Variants in UNC93A observed in about 807,000 individuals in gnomAD.
UNC93A encodes N-acetylglucosamine transporter UNC93A.
In UNC93A, 43 loss-of-function variants were observed where a neutral mutation model predicts 47.5. That is an observed-to-expected ratio of 0.91 (90% confidence interval 0.71 to 1.17). The LOEUF is 1.17. Ranked by LOEUF, UNC93A falls within the 50% of genes most tolerant of loss-of-function variation. The probability of loss-of-function intolerance (pLI) is 0.00; values close to 1 mark genes in which losing one functional copy is unlikely to be tolerated. For synonymous variants in UNC93A, 280 were observed against 258.0 expected, an observed-to-expected ratio of 1.09 and a Z score of -0.82; for missense variants, 605 against 577.6, an observed-to-expected ratio of 1.05 and a Z score of -0.49.
chr6:167,291,860 C>G (rs1304647207), intron 1 of UNC93A, among the ~76,000 whole-genome samples: 1 of 152,082 alleles, frequency 6.6e-6, no homozygotes, highest in Non-Finnish European at 1.5e-5. Context: ...CATTCTTTGC[C>G]TTTGGGTGGT....
intron 6 of UNC93A, among the ~76,000 whole-genome samples, chr6:167,306,816 G>A (rs1364243997): frequency 1.3e-5 from 2 of 152,222 alleles, no homozygotes; most frequent in Admixed American, 6.5e-5. Context: ...CCTGGGGCAT[G>A]CGGTGTGGAC....
In UNC93A at chr6:167,298,608, C is replaced by T. The variant is rs573324627; in HGVS notation, c.625+538C>T. 1.4e-4 allele frequency among the ~76,000 whole-genome samples: 21 copies of T among 151,850 alleles called. No individual in the cohort carries two copies. The South Asian group carries it at 1.9e-3, about 14-fold the overall frequency. On this transcript the variant is annotated intron_variant, in intron 4 of 7. Transcript: ENST00000230256. ...CGAGTGCTCCCAAGTGCTTGTTGCA[C>T]CTTAGCTGGAGACGTTGCAAGCTCA...
chr6:167,270,964 A>G (rs139191584), upstream of UNC93A, among the ~76,000 whole-genome samples: 1 of 152,330 alleles, frequency 6.6e-6, no homozygotes, highest in Non-Finnish European at 1.5e-5. Context: ...GTTGTCCAGG[A>G]AGATACAGGT....
intron 6 of UNC93A, among the ~76,000 whole-genome samples, chr6:167,306,908 A>T (rs903548998): frequency 6.6e-6 from 1 of 152,078 alleles, no homozygotes. Flanking sequence ...TGCATCCTAG[A>T]GATGCCACAG....
At chr6:167,284,190 C>G (rs1243316078) in intron 1 of UNC93A, among the ~76,000 whole-genome samples, 1 of 151,804 alleles carries the variant, frequency 6.6e-6, no homozygotes, top group Non-Finnish European at 1.5e-5. Flanking sequence ...CAGATTTTAC[C>G]AGAACCCCAT....
chr6:167,277,865 C>CTGTCTT (rs60565062), intron 1 of UNC93A, among the ~76,000 whole-genome samples: 1 of 151,844 alleles, frequency 6.6e-6, no homozygotes, highest in Non-Finnish European at 1.5e-5. Flanking sequence ...CTCTCTGTCT[C>CTGTCTT]CTTCTGTCTG....
chr6:167,274,209 G>T (rs186005042), intron 1 of UNC93A, among the ~76,000 whole-genome samples: 60 of 152,300 alleles, frequency 3.9e-4, no homozygotes, highest in African/African-American at 1.4e-3. Flanking sequence ...GAGGCTTTGT[G>T]GTTTGTAGGG....
At chr6:167,312,357 G>A (rs1467060138) in intron 7 of UNC93A, among the ~76,000 whole-genome samples, 8 of 151,992 alleles carry the variant, frequency 5.3e-5, no homozygotes, top group East Asian at 3.9e-4. Context: ...GCGGTTCTGC[G>A]GGAGCGAGTG....
chr6:167,281,911 A>C (rs1319402472), intron 1 of UNC93A, among the ~76,000 whole-genome samples: 1 of 152,200 alleles, frequency 6.6e-6, no homozygotes, highest in Non-Finnish European at 1.5e-5. Flanking sequence ...AATTAAAGAA[A>C]GGGAATAAAC....
rs944557828 is a variant in UNC93A at position 167,304,112 on chromosome 6, C to T, written c.819C>T (p.Phe273=). 6.2e-6 allele frequency: 10 copies of T among 1,614,070 alleles called. No homozygotes were observed. Among genetic ancestry groups the T allele is most frequent in the Admixed American group, 1.7e-5 (1 of 60,006 alleles). The change falls in exon 5 of 8, where the codon TTC becomes TTT. Residue 273 remains phenylalanine, a synonymous_variant. Transcript: ENST00000230256. ...LPLYSGLQQG[F]LSSEYTRSYV... The stretch of plus-strand genomic sequence containing the variant: ...TGTACAGTGGATTGCAGCAAGGATT[C>T]CTCTCCAGCGAATACACAAGGGTAT...
chr6:167,287,689 GTGTGTGTGTGCATGTGTGTGCATA>G (rs368420442), upstream of UNC93A, among the ~76,000 whole-genome samples: 781 of 151,228 alleles, frequency 5.2e-3, 11 homozygotes, highest in African/African-American at 0.018. Context: ...AAAAGGGTGT[GTGTGTGTGTGCATGTGTGTGCATA>G]TGTGTGTGTG....
intron 5 of UNC93A, among the ~76,000 whole-genome samples, chr6:167,304,762 G>A (rs372214876): frequency 6.6e-5 from 10 of 152,184 alleles, no homozygotes; most frequent in African/African-American, 2.2e-4. Context: ...TAGAGACAGG[G>A]TTTCTCCATG....
intron 1 of UNC93A, among the ~76,000 whole-genome samples, chr6:167,271,968 T>G (rs773877091): frequency 2.0e-5 from 3 of 152,188 alleles, no homozygotes; most frequent in Non-Finnish European, 4.4e-5. Context: ...ATTCCTCCAG[T>G]GCTGTCTCCA....
chr6:167,275,737 C>T (rs1485412004), intron 1 of UNC93A, among the ~76,000 whole-genome samples: 3 of 152,262 alleles, frequency 2.0e-5, no homozygotes, highest in African/African-American at 7.2e-5. Context: ...GGTCCACACC[C>T]TGCTTTCATC....
chr6:167,277,560 G>A (rs1433864103), intron 1 of UNC93A, among the ~76,000 whole-genome samples: 1 of 152,174 alleles, frequency 6.6e-6, no homozygotes, highest in Non-Finnish European at 1.5e-5. Flanking sequence ...GTCAGGCAGA[G>A]AGTGGACGGG....
At chr6:167,303,779 T>C (rs2115156802) in intron 4 of UNC93A, 140 bp from the exon 5 acceptor site, 2 of 737,206 alleles carry the variant, frequency 2.7e-6, no homozygotes, top group Non-Finnish European at 4.6e-6. Context: ...CTTAAGCATG[T>C]TGTGTCTAAT....
chr6:167,309,664 A>T (rs1242132933), intron 7 of UNC93A, among the ~76,000 whole-genome samples: 1 of 152,196 alleles, frequency 6.6e-6, no homozygotes, highest in Non-Finnish European at 1.5e-5. Flanking sequence ...CTGTCCCTGC[A>T]CTGAGGATAA....
chr6:167,296,156 G>A lies in UNC93A; in HGVS notation c.394G>A (p.Asp132Asn), dbSNP rs1778082419. Residue 132 changes from aspartate to asparagine, a missense_variant, in exon 3 of 8, where the codon GAC becomes AAC. By Grantham distance (23) the Asp-to-Asn change is conservative (BLOSUM62 1). Transcript: ENST00000230256. ...HAEKAGKRGK[D>N]MVNQYFGIFF... ...AGAGAAGGCGGGAAAGCGTGGCAAA[G>A]ACATGGTGAACCAGTATTTTGGCAT... 1.9e-6 allele frequency: 3 copies of A among 1,614,128 alleles called. No homozygotes were observed. The highest frequency in any genetic ancestry group is 1.1e-5 in the South Asian group (1 of 91,082).
chr6:167,307,432 G>A (rs1562358949), intron 6 of UNC93A, among the ~76,000 whole-genome samples: 4 of 152,196 alleles, frequency 2.6e-5, no homozygotes. Flanking sequence ...AGACGGTTGA[G>A]ATGGTTGAGA....
Sources: allele counts gnomAD v4.1 joint callset (sites outside exome capture counted in the v4.1 genomes callset), GRCh38; gene constraint gnomAD v4.1.1; transcripts MANE v1.5; gene names NCBI Gene and HGNC (gene_info 2026-07-23, HGNC 2026-07-21).